The following BARHL1 variants were observed in gnomAD, a reference collection of about 807,000 sequenced individuals.
BARHL1 encodes barH-like 1 homeobox protein.
In BARHL1, 2 loss-of-function variants were observed where a neutral mutation model predicts 20.1. The observed-to-expected ratio is 0.10, with a 90% confidence interval of 0.04 to 0.31. The LOEUF (loss-of-function observed/expected upper bound fraction) is 0.31, where lower values mean the gene tolerates loss of function less well. Ranked by LOEUF, BARHL1 falls within the 10% of genes least tolerant of loss-of-function variation. The pLI, the probability that BARHL1 is intolerant of heterozygous loss-of-function variation, is 1.00. For missense variants in BARHL1, 397 were observed against 454.0 expected, an observed-to-expected ratio of 0.87 and a Z score of 1.14; for synonymous variants, 213 against 209.9, an observed-to-expected ratio of 1.01 and a Z score of -0.13.
At chr9:132,588,189 T>A (rs995452589) in intron 2 of BARHL1, among the ~76,000 whole-genome samples, 1 of 152,028 alleles carries the variant, frequency 6.6e-6, no homozygotes, top group Admixed American at 6.5e-5. Context: ...TCACCAGACG[T>A]AGATGCAAAT....
chr9:132,584,541 A>G (rs1375277611), intron 1 of BARHL1, among the ~76,000 whole-genome samples: 3 of 144,506 alleles, frequency 2.1e-5, no homozygotes, highest in South Asian at 2.3e-4. Context: ...AGTCTTCCCA[A>G]AATTTTAGGA....
At chr9:132,589,169 C>T in intron 2 of BARHL1, 59 bp from the exon 3 acceptor site, 5 of 1,544,024 alleles carry the variant, frequency 3.2e-6, no homozygotes, top group Non-Finnish European at 4.4e-6. Context: ...TGGGGAGGGG[C>T]TGGGGTCGCT....
intron 1 of BARHL1, among the ~76,000 whole-genome samples, chr9:132,586,049 TGGA>T (rs1830140941): frequency 6.6e-6 from 1 of 152,354 alleles, no homozygotes. Flanking sequence ...GGTGCCAGCC[TGGA>T]GGAGGCAGGT....
rs1830094970 is a variant in BARHL1, at chr9:132,583,247, G to A, written c.450G>A (p.Ser150=). 1.2e-6 allele frequency: 2 copies of A among 1,611,432 alleles called. No homozygotes were observed. The highest frequency in any genetic ancestry group is 1.7e-6 in the Non-Finnish European group (2 of 1,178,682). Residue 150 remains serine (S), a synonymous_variant, in exon 1 of 3, where the codon TCG becomes TCA. Coordinates refer to ENST00000263610, the MANE Select transcript of BARHL1 (RefSeq NM_020064.4). ...ACAAAAGTGGCAGCAACGCCTCATC[G>A]GACTCTGAGTATAAAGGTAAGAAAG... ...KLDKSGSNAS[S]DSEYKVKEEG...
At position 132,585,184 on chromosome 9, in the gene BARHL1, G is replaced by A. The variant is rs144312055; in HGVS notation, c.466+1921G>A. Among the ~76,000 whole-genome samples, 33 of 152,332 alleles carry A rather than the reference G, an allele frequency of 2.2e-4. 1 individual carries two copies. In the East Asian group the frequency reaches 3.9e-3, roughly 18 times the overall value. On this transcript the variant is annotated intron_variant, in intron 1 of 2. Transcript: ENST00000263610. ...TCGCTTAAATAGGTTTGGAGCGAAG[G>A]GGGTAGAAGGTCTTGCCCAACCCCC... is the stretch of plus-strand genomic sequence containing the variant.
rs1830091516 is a variant in BARHL1, at chr9:132,583,012, C to G, written c.215C>G (p.Pro72Arg). ...CCACGGCCTGGCGGGGCATCCGGCC[C>G]AGGTTTGGACTCCCACCTGCAGCCC... ...GTPRPGGASG[P>R]GLDSHLQPGQ... Residue 72 changes from proline (P) to arginine (R), a missense_variant, in exon 1 of 3, where the codon CCA becomes CGA. Pro to Arg is a moderately radical substitution (Grantham distance 103). Transcript: ENST00000263610. 1 of 1,613,794 alleles carries G rather than the reference C, an allele frequency of 6.2e-7. No homozygotes were observed. Among genetic ancestry groups the G allele is most frequent in the Non-Finnish European group, 8.5e-7 (1 of 1,179,940 alleles).
intron 1 of BARHL1, among the ~76,000 whole-genome samples, chr9:132,586,551 T>C (rs1264369414): frequency 6.6e-6 from 1 of 152,252 alleles, no homozygotes; most frequent in Non-Finnish European, 1.5e-5. Context: ...AAACACACGA[T>C]GCCACGCAGG....
Position 132,582,827 on chromosome 9 carries a change from C to G in BARHL1, c.30C>G (p.Asp10Glu). ...AAGGCTCCAATGGCTTTGGGATCGA[C>G]TCCATTCTCTCCCACCGCGCGGGCA... MEGSNGFGI[D>E]SILSHRAGSP... Residue 10 changes from aspartate (D) to glutamate (E), a missense_variant, in exon 1 of 3, where the codon GAC becomes GAG. Coordinates refer to ENST00000263610, the MANE Select transcript of BARHL1 (RefSeq NM_020064.4). 5 of 1,605,274 alleles carry G rather than the reference C, an allele frequency of 3.1e-6. No homozygotes were observed. The highest frequency in any genetic ancestry group is 4.3e-6 in the Non-Finnish European group (5 of 1,174,832).
chr9:132,589,167 G>T (rs1830179078), intron 2 of BARHL1, 61 bp from the exon 3 acceptor site: 1 of 1,543,380 alleles, frequency 6.5e-7, no homozygotes. Context: ...AGTGGGGAGG[G>T]GCTGGGGTCG....
chr9:132,589,152 C>G lies in BARHL1; in HGVS notation c.690-76C>G, dbSNP rs1270594065. 3.9e-6 allele frequency: 6 copies of G among 1,524,256 alleles called. No homozygotes were observed. The East Asian group carries it at 1.2e-4, about 30-fold the overall frequency. The allele number at this position is 1,524,256 out of a possible 1,614,324, so 94.4% of individuals were successfully genotyped here. ...TGGCCTCCCTACAGGCTCTCTGGGCCAAGCAGTGGGGAGGGGCTGGGGTCG... is the reference window on the plus strand; with the variant it reads ...TGGCCTCCCTACAGGCTCTCTGGGCGAAGCAGTGGGGAGGGGCTGGGGTCG... On this transcript the variant is annotated intron_variant, in intron 2 of 2. Transcript: ENST00000263610.
intron 1 of BARHL1, among the ~76,000 whole-genome samples, chr9:132,583,699 G>A (rs903581945): frequency 1.3e-5 from 2 of 152,256 alleles, no homozygotes; most frequent in South Asian, 2.1e-4. Context: ...GGAGCCCTGA[G>A]AACCGTCAGA....
chr9:132,584,159 A>G (rs533981073), intron 1 of BARHL1, among the ~76,000 whole-genome samples: 138 of 148,798 alleles, frequency 9.3e-4, no homozygotes, highest in African/African-American at 3.4e-3. Context: ...GGAAGGAAGG[A>G]AGGAAGGAAG....
intron 1 of BARHL1, among the ~76,000 whole-genome samples, chr9:132,585,012 T>G (rs1014389506): frequency 6.6e-6 from 1 of 152,370 alleles, no homozygotes; most frequent in East Asian, 1.9e-4. Context: ...GAACTGGAGA[T>G]AGTGAGGCCC....
At chr9:132,588,042 GC>G (rs1365921686) in intron 2 of BARHL1, among the ~76,000 whole-genome samples, 1 of 152,190 alleles carries the variant, frequency 6.6e-6, no homozygotes, top group Non-Finnish European at 1.5e-5. Flanking sequence ...GGCTCTTCAG[GC>G]CTCCCCAGCC....
rs749610036 is a variant in BARHL1, at chr9:132,589,341, T to C, written c.803T>C (p.Val268Ala). ...PSPYFYPQSLVSNLDPGAALY... is the reference protein window; with the variant it reads ...PSPYFYPQSLASNLDPGAALY... ...CCTTATTTCTACCCGCAGAGTCTGGTTTCCAACCTGGACCCCGGCGCGGCG... is the reference window on the plus strand; with the variant it reads ...CCTTATTTCTACCCGCAGAGTCTGGCTTCCAACCTGGACCCCGGCGCGGCG... The change falls in exon 3 of 3, where the codon GTT becomes GCT. Residue 268 changes from valine to alanine, a missense_variant. Around this residue, in one of 3 missense-constraint regions of BARHL1, gnomAD observed 121 missense variants for 135.9 expected, o/e 0.89. Transcript: ENST00000263610. 3.1e-6 allele frequency: 5 copies of C among 1,613,418 alleles called. No homozygotes were observed. The highest frequency in any genetic ancestry group is 4.2e-6 in the Non-Finnish European group (5 of 1,179,956).
intron 1 of BARHL1, among the ~76,000 whole-genome samples, chr9:132,586,187 A>G (rs1307220658): frequency 6.6e-6 from 1 of 152,258 alleles, no homozygotes; most frequent in Non-Finnish European, 1.5e-5. Flanking sequence ...TAACGGCTCA[A>G]TTAACCGGAT....
chr9:132,589,810 C>T lies in BARHL1; in HGVS notation c.*288C>T. 3.3e-6 allele frequency: 1 copy of T among 307,254 alleles called. No homozygotes were observed. The highest frequency in any genetic ancestry group is 5.9e-6 in the Non-Finnish European group (1 of 170,662). 19.0% of individuals were successfully genotyped at this position (307,254 alleles called of 1,614,324 possible). A position where few individuals can be genotyped will look rare whatever the true frequency, so the allele number is the denominator to read the frequency against. ...ACGCGTCTCTGCCACTCCCCACCCC[C>T]AGCCTCTGCCGGCTCCCCTAGGCAA... On this transcript the variant is annotated 3_prime_UTR_variant, in exon 3 of 3. Coordinates refer to ENST00000263610, the MANE Select transcript of BARHL1 (RefSeq NM_020064.4).
chr9:132,584,343 C>T (rs2119131465), intron 1 of BARHL1, among the ~76,000 whole-genome samples: 1 of 152,272 alleles, frequency 6.6e-6, no homozygotes, highest in East Asian at 1.9e-4. Flanking sequence ...GCCCCACGTC[C>T]CCATCTAGCA....
rs1324579060 is a variant in BARHL1, at chr9:132,587,557, GC to G, written c.689+8del. 1 of 1,604,468 alleles carries G rather than the reference GC, an allele frequency of 6.2e-7. No homozygotes were observed. Among genetic ancestry groups the G allele is most frequent in the East Asian group, 2.2e-5 (1 of 44,492 alleles). On this transcript the variant is annotated splice_region_variant and intron_variant, in intron 2 of 2. Coordinates refer to ENST00000263610, the MANE Select transcript of BARHL1 (RefSeq NM_020064.4). The surrounding 1 kb of genome is among the most constrained non-coding windows in gnomAD (Gnocchi z 5.5). ...ACCTGGTACCAGAACCGCAGGTGAG[GC>G]CTGGCTGCGGGGGTAGAGGCAGAAA...
Sources: gnomAD v4.1 joint callset for allele counts (sites outside exome capture counted in the v4.1 genomes callset) on GRCh38, gnomAD v4.1.1 for gene constraint, gnomAD v4.1.1 regional missense constraint, Gnocchi (gnomAD v3.1) non-coding constraint, MANE v1.5 for transcripts, NCBI Gene and HGNC (gene_info 2026-07-23, HGNC 2026-07-21) for gene names.